OR52A5: variants seen among roughly 807,000 people sequenced by gnomAD.
The protein encoded by OR52A5 is olfactory receptor family 52 subfamily A member 5, also known as olfactory receptor 52A5.
In OR52A5, 16 loss-of-function variants were observed where a neutral mutation model predicts 18.2. The ratio of observed to expected loss-of-function variants is 0.88; its 90% CI spans 0.60 to 1.34. The LOEUF is 1.34. OR52A5 is among the 40% of genes most tolerant of loss of function. OR52A5 has a pLI of 0.00. For missense variants in OR52A5, 418 were observed against 383.0 expected, an observed-to-expected ratio of 1.09 and a Z score of -0.76; for synonymous variants, 140 against 137.2, an observed-to-expected ratio of 1.02 and a Z score of -0.14.
In OR52A5 at chr11:5,132,350, G is replaced by A. The variant is rs1846348652; in HGVS notation, c.293C>T (p.Ala98Val). Residue 98 changes from alanine to valine, a missense_variant, in exon 2 of 2, where the codon GCC (alanine) becomes GTC (valine). Ala to Val is a moderately conservative substitution (Grantham distance 64, BLOSUM62 0). Transcript: ENST00000307388. Reference protein sequence around the residue: ...WFHLPEISFDACLFQMWLIHS... With the variant: ...WFHLPEISFDVCLFQMWLIHS... Reference sequence around the variant, plus strand: ...AATAAGCCACATTTGAAAAAGACAGGCATCAAAAGAAATCTCTGGCAAATG... The same window carrying A: ...AATAAGCCACATTTGAAAAAGACAGACATCAAAAGAAATCTCTGGCAAATG... 9.3e-6 allele frequency: 15 copies of A among 1,614,112 alleles called. No individual in the cohort carries two copies. Among genetic ancestry groups the A allele is most frequent in the Non-Finnish European group, 1.3e-5 (15 of 1,180,018 alleles).
In OR52A5 at chr11:5,130,377, T is replaced by G. The variant is rs560611165; in HGVS notation, c.*1315A>C. Reference sequence around the variant, plus strand: ...AACTTTTCTGAAAGAATTCATATATTTATGATTTTTTTTTCTTTTGGGAGA... The same window carrying G: ...AACTTTTCTGAAAGAATTCATATATGTATGATTTTTTTTTCTTTTGGGAGA... On this transcript the variant is annotated 3_prime_UTR_variant, in exon 2 of 2. Coordinates refer to ENST00000307388, the MANE Select transcript of OR52A5 (RefSeq NM_001005160.3). 6.6e-6 allele frequency: 1 copy of G among 152,176 alleles called. No individual in the cohort carries two copies. Among genetic ancestry groups the G allele is most frequent in the East Asian group, 1.9e-4 (1 of 5,184 alleles). 9.4% of individuals were successfully genotyped at this position (152,176 alleles called of 1,614,324 possible).
chr11:5,132,658 A>G lies in OR52A5; in HGVS notation c.-16T>C. On this transcript the variant is annotated 5_prime_UTR_variant, in exon 2 of 2. Transcript: ENST00000307388. ...ATGTCGGCATGATTTGTTCATCAGA[A>G]TCAAGTGGTAGATTTGCTGTTTCAT... 1 of 1,511,820 alleles carries G rather than the reference A, an allele frequency of 6.6e-7. No individual in the cohort carries two copies. The highest frequency in any genetic ancestry group is 9.0e-7 in the Non-Finnish European group (1 of 1,111,658). The allele number at this position is 1,511,820 out of a possible 1,614,324, so 93.7% of individuals were successfully genotyped here.
chr11:5,131,833 G>T lies in OR52A5; in HGVS notation c.810C>A (p.His270Gln). Residue 270 changes from histidine (H) to glutamine (Q), a missense_variant, in exon 2 of 2, where the codon CAC becomes CAA. Transcript: ENST00000307388. ...AGAGGATATGAATATATGGTGGTAT[G>T]TGTGAACCAAACCTGTGTGTGAAGA... Reference protein sequence around the residue: ...FSFFTHRFGSHIPPYIHILLS... With the variant: ...FSFFTHRFGSQIPPYIHILLS... 6.2e-7 allele frequency: 1 copy of T among 1,614,076 alleles called. No individual in the cohort carries two copies. Among genetic ancestry groups the T allele is most frequent in the Non-Finnish European group, 8.5e-7 (1 of 1,179,914 alleles).
rs1407444803 is a variant in OR52A5, at chr11:5,131,782, T to C, written c.861A>G (p.Pro287=). The change falls in exon 2 of 2, where the codon CCA becomes CCG. Residue 287 remains proline (P), a synonymous_variant. Transcript: ENST00000307388. ...CATAGACAATAGGGTTGAGAAAAGG[T>C]GGGACTAACAGGTAAAGATTTGACA... ...ILLSNLYLLV[P]PFLNPIVYGV... The C allele has an allele frequency of 6.2e-7, 1 of 1,613,982 alleles. No individual in the cohort carries two copies. The highest frequency in any genetic ancestry group is 1.1e-5 in the South Asian group (1 of 91,068).
rs940752113 is a variant in OR52A5 at position 5,128,821 on chromosome 11, G to A, written c.*2871C>T. On this transcript the variant is annotated 3_prime_UTR_variant, in exon 2 of 2. Transcript: ENST00000307388. ...CAGTTGCTAAGACTGGAGATGGGGG[G>A]AGCAGAAGTAATGGGATGTGACTAC... 19 of 152,036 alleles carry A rather than the reference G, an allele frequency of 1.2e-4. No individual in the cohort carries two copies. Among genetic ancestry groups the A allele is most frequent in the Admixed American group, 3.3e-4 (5 of 15,248 alleles). The allele number at this position is 152,036 out of a possible 1,614,324, so 9.4% of individuals were successfully genotyped here.
Position 5,132,396 on chromosome 11 carries a change from T to C in OR52A5, c.247A>G (p.Met83Val), listed in dbSNP as rs746596408. 1.2e-6 allele frequency: 2 copies of C among 1,614,194 alleles called. No homozygotes were observed. The highest frequency in any genetic ancestry group is 1.3e-5 in the African/African-American group (1 of 75,044). ...AAATGAAACCAGAAGATGCCTAACA[T>C]TTTGGGAAGAATGCAGGTGTTAAGT... ...IALNTCILPKMLGIFWFHLPE... is the reference protein window; with the variant it reads ...IALNTCILPKVLGIFWFHLPE... The change falls in exon 2 of 2, where the codon ATG (methionine) becomes GTG (valine). Residue 83 changes from methionine (M) to valine (V), a missense_variant. Physicochemically the swap from Met to Val is conservative, Grantham distance 21. Coordinates refer to ENST00000307388, the MANE Select transcript of OR52A5 (RefSeq NM_001005160.3).
At position 5,129,620 on chromosome 11, in the gene OR52A5, A is replaced by G. The variant is rs1846316027; in HGVS notation, c.*2072T>C. ...TCCAATTAGCCAGAGCCCTCAATTGAAGAGCAATGGAGCAGACTCTCAGAA... is the reference window on the plus strand; with the variant it reads ...TCCAATTAGCCAGAGCCCTCAATTGGAGAGCAATGGAGCAGACTCTCAGAA... On this transcript the variant is annotated 3_prime_UTR_variant, in exon 2 of 2. Transcript: ENST00000307388. 6.6e-6 allele frequency: 1 copy of G among 152,092 alleles called. No homozygotes were observed. Among genetic ancestry groups the G allele is most frequent in the Admixed American group, 6.6e-5 (1 of 15,250 alleles). 9.4% of individuals were successfully genotyped at this position (152,092 alleles called of 1,614,324 possible).
Position 5,129,995 on chromosome 11 carries a change from C to T in OR52A5, c.*1697G>A, listed in dbSNP as rs1846320278. On this transcript the variant is annotated 3_prime_UTR_variant, in exon 2 of 2. Coordinates refer to ENST00000307388, the MANE Select transcript of OR52A5 (RefSeq NM_001005160.3). ...GCCAACCCACAGTCTAATTATGACA[C>T]AAATTTTTCATTTAATTTTTTTCCA... 6.6e-6 allele frequency: 1 copy of T among 151,968 alleles called. No individual in the cohort carries two copies. The highest frequency in any genetic ancestry group is 1.5e-5 in the Non-Finnish European group (1 of 67,996). The allele number at this position is 151,968 out of a possible 1,614,324, so 9.4% of individuals were successfully genotyped here. A position where few individuals can be genotyped will look rare whatever the true frequency, so the allele number is the denominator to read the frequency against.
Position 5,132,494 on chromosome 11 carries a change from A to G in OR52A5, c.149T>C (p.Ile50Thr). The G allele has an allele frequency of 6.2e-7, 1 of 1,614,196 alleles. No individual in the cohort carries two copies. The highest frequency in any genetic ancestry group is 2.2e-5 in the East Asian group (1 of 44,890). Reference protein sequence around the residue: ...GVIGNSLILVIIKYENSLHIP... With the variant: ...GVIGNSLILVTIKYENSLHIP... ...ATGGAGGCTGTTTTCATATTTGATT[A>G]TAACTAAAATTAGGGAATTTCCAAT... Residue 50 changes from isoleucine to threonine, a missense_variant, in exon 2 of 2, where the codon ATA becomes ACA. Coordinates refer to ENST00000307388, the MANE Select transcript of OR52A5 (RefSeq NM_001005160.3).
rs1483232007 is a variant in OR52A5, at chr11:5,131,256, TA to T, written c.*435del. On this transcript the variant is annotated 3_prime_UTR_variant, in exon 2 of 2. Coordinates refer to ENST00000307388, the MANE Select transcript of OR52A5 (RefSeq NM_001005160.3). ...AAATTTGAGTAAAACTCAAGTTAGG[TA>T]AAAATCAATAAAATTGTGTGGTTCT... 1 of 153,504 alleles carries T rather than the reference TA, an allele frequency of 6.5e-6. No homozygotes were observed. The allele number at this position is 153,504 out of a possible 1,614,324, so 9.5% of individuals were successfully genotyped here.
intron 1 of OR52A5, among the ~76,000 whole-genome samples, chr11:5,134,403 C>T (rs1846372649): frequency 6.6e-6 from 1 of 152,086 alleles, no homozygotes. Flanking sequence ...CATGTATAAG[C>T]TATCTCCAGC....
intron 1 of OR52A5, 53 bp downstream of exon 1, chr11:5,138,258 T>C (rs1411510953): frequency 2.0e-5 from 3 of 152,224 alleles, no homozygotes; most frequent in African/African-American, 4.8e-5. Context: ...CTCTTTAGAA[T>C]GAATTCTTCA....
Position 5,131,730 on chromosome 11 carries a change from G to T in OR52A5, c.913C>A (p.His305Asn). The T allele has an allele frequency of 6.2e-7, 1 of 1,613,372 alleles. No individual in the cohort carries two copies. Among genetic ancestry groups the T allele is most frequent in the South Asian group, 1.1e-5 (1 of 90,912 alleles). Residue 305 changes from histidine (H) to asparagine (N), a missense_variant, in exon 2 of 2, where the codon CAT (histidine) becomes AAT (asparagine). By Grantham distance (68) the His-to-Asn change is moderately conservative. Coordinates refer to ENST00000307388, the MANE Select transcript of OR52A5 (RefSeq NM_001005160.3). ...TTGAAGAAAAACACTTTCACAATAT[G>T]GTCACGAATTTGCTTGGTCTTCACT... ...YGVKTKQIRD[H>N]IVKVFFFKKV...
rs1846312278 is a variant in OR52A5 at position 5,129,146 on chromosome 11, T to C, written c.*2546A>G. ...CTATCCCGGCACTCTGCTCCATTCA[T>C]TTCCGTCTCTTTGCACTTAATCCTG... On this transcript the variant is annotated 3_prime_UTR_variant, in exon 2 of 2. Transcript: ENST00000307388. The C allele has an allele frequency of 6.6e-6, 1 of 152,202 alleles. No homozygotes were observed. Among genetic ancestry groups the C allele is most frequent in the East Asian group, 1.9e-4 (1 of 5,182 alleles). 9.4% of individuals were successfully genotyped at this position (152,202 alleles called of 1,614,324 possible). A position where few individuals can be genotyped will look rare whatever the true frequency, so the allele number is the denominator to read the frequency against.
chr11:5,137,744 A>C (rs959613929), intron 1 of OR52A5, among the ~76,000 whole-genome samples: 3 of 152,140 alleles, frequency 2.0e-5, no homozygotes, highest in Non-Finnish European at 4.4e-5. Context: ...TTGGCCTTGC[A>C]TGCCCTTGAG....
Position 5,129,249 on chromosome 11 carries a change from A to G in OR52A5, c.*2443T>C, listed in dbSNP as rs1427529868. The G allele has an allele frequency of 6.6e-6, 1 of 152,068 alleles. No homozygotes were observed. The highest frequency in any genetic ancestry group is 1.5e-5 in the Non-Finnish European group (1 of 68,012). 9.4% of individuals were successfully genotyped at this position (152,068 alleles called of 1,614,324 possible). A position where few individuals can be genotyped will look rare whatever the true frequency, so the allele number is the denominator to read the frequency against. On this transcript the variant is annotated 3_prime_UTR_variant, in exon 2 of 2. Coordinates refer to ENST00000307388, the MANE Select transcript of OR52A5 (RefSeq NM_001005160.3). The stretch of plus-strand genomic sequence containing the variant: ...ATGTTTAAGGTGTGTTTTAGCCTGG[A>G]TCTGTGCTACATGCTTGGTGAGCCT...
chr11:5,129,266 G>C lies in OR52A5; in HGVS notation c.*2426C>G, dbSNP rs796476493. 2.4e-4 allele frequency: 36 copies of C among 152,152 alleles called. No individual in the cohort carries two copies. Among genetic ancestry groups the C allele is most frequent in the African/African-American group, 8.7e-4 (36 of 41,496 alleles). 9.4% of individuals were successfully genotyped at this position (152,152 alleles called of 1,614,324 possible). On this transcript the variant is annotated 3_prime_UTR_variant, in exon 2 of 2. Transcript: ENST00000307388. ...TAGCCTGGATCTGTGCTACATGCTT[G>C]GTGAGCCTTTTCTCACATATTCCTC...
At position 5,131,747 on chromosome 11, in the gene OR52A5, G is replaced by C; in HGVS notation, c.896C>G (p.Thr299Ser). The change falls in exon 2 of 2, where the codon ACC becomes AGC. Residue 299 changes from threonine to serine, a missense_variant. Physicochemically the swap from Thr to Ser is moderately conservative, Grantham distance 58 (BLOSUM62 1). Transcript: ENST00000307388. ...CACAATATGGTCACGAATTTGCTTG[G>C]TCTTCACTCCATAGACAATAGGGTT... ...FLNPIVYGVK[T>S]KQIRDHIVKV... 1 of 1,613,976 alleles carries C rather than the reference G, an allele frequency of 6.2e-7. No individual in the cohort carries two copies. Among genetic ancestry groups the C allele is most frequent in the East Asian group, 2.2e-5 (1 of 44,872 alleles).
chr11:5,134,182 A>G (rs1846370629), intron 1 of OR52A5, among the ~76,000 whole-genome samples: 1 of 152,190 alleles, frequency 6.6e-6, no homozygotes, highest in African/African-American at 2.4e-5. Context: ...ATATTAAATA[A>G]TTTACATATT....
Sources: allele counts gnomAD v4.1 joint callset (sites outside exome capture counted in the v4.1 genomes callset), GRCh38; gene constraint gnomAD v4.1.1; transcripts MANE v1.5; gene names NCBI Gene and HGNC (gene_info 2026-07-23, HGNC 2026-07-21).